Variants in DPP10 observed in about 807,000 individuals in gnomAD.
DPP10 encodes inactive dipeptidyl peptidase 10.
A neutral mutation model predicts 120.9 loss-of-function variants in DPP10; 33 were observed. The ratio of observed to expected loss-of-function variants is 0.27; its 90% CI spans 0.21 to 0.37. The LOEUF (loss-of-function observed/expected upper bound fraction) is 0.37, where lower values mean the gene tolerates loss of function less well. Among genes scored for constraint, DPP10 ranks in the 10% least tolerant of loss-of-function variants. The pLI is 1.00. For synonymous variants in DPP10, 337 were observed against 326.1 expected, an observed-to-expected ratio of 1.03 and a Z score of -0.36; for missense variants, 816 against 942.8, an observed-to-expected ratio of 0.87 and a Z score of 1.76.
At chr2:115,310,555 G>A (rs2061535662) in intron 2 of DPP10, among the ~76,000 whole-genome samples, 1 of 152,072 alleles carries the variant, frequency 6.6e-6, no homozygotes, top group Non-Finnish European at 1.5e-5. Context: ...GGAGGAAGGA[G>A]GAGAGAAAGG....
intron 5 of DPP10, among the ~76,000 whole-genome samples, chr2:115,552,336 G>T (rs1352687146): frequency 4.6e-5 from 7 of 152,074 alleles, no homozygotes; most frequent in African/African-American, 1.7e-4. Context: ...GTAGGCAAAG[G>T]ACAAAGTCTG....
intron 1 of DPP10, among the ~76,000 whole-genome samples, chr2:115,129,558 A>G (rs1183435065): frequency 6.6e-6 from 1 of 152,226 alleles, no homozygotes; most frequent in East Asian, 1.9e-4. Context: ...TATATGCTTA[A>G]TGAATATATC....
At chr2:114,561,995 C>G (rs555159046) in intron 1 of DPP10, among the ~76,000 whole-genome samples, 1 of 152,230 alleles carries the variant, frequency 6.6e-6, no homozygotes, top group African/African-American at 2.4e-5. Context: ...ACTAAGATAA[C>G]GGGTTAATTT....
At chr2:115,470,307 A>G (rs1360716017) in intron 3 of DPP10, among the ~76,000 whole-genome samples, 1 of 152,192 alleles carries the variant, frequency 6.6e-6, no homozygotes, top group African/African-American at 2.4e-5. Context: ...TTCTGTTACA[A>G]AAATTTTAGA....
intron 1 of DPP10, among the ~76,000 whole-genome samples, chr2:114,549,694 GAAAT>G (rs66601344): frequency 0.69 from 92,455 of 134,772 alleles, 32,796 homozygotes; most frequent in South Asian, 0.83. Flanking sequence ...AAGAGAGAGA[GAAAT>G]AAATAAAAAA....
At chr2:115,283,107 T>C (rs2060228150) in intron 1 of DPP10, among the ~76,000 whole-genome samples, 1 of 152,098 alleles carries the variant, frequency 6.6e-6, no homozygotes, top group East Asian at 1.9e-4. Context: ...TAGCTCACTC[T>C]TTTCTATTCA....
chr2:115,286,540 T>TATATATATATATATATATATATATATAA (rs1559367032), intron 1 of DPP10, among the ~76,000 whole-genome samples: 1 of 107,340 alleles, frequency 9.3e-6, no homozygotes, highest in Non-Finnish European at 1.9e-5. Flanking sequence ...TATATATATA[T>TATATATATATATATATATATATATATAA]AAAATATATA....
chr2:115,568,958 ATTC>A (rs1393218142), intron 5 of DPP10, among the ~76,000 whole-genome samples: 2 of 152,160 alleles, frequency 1.3e-5, no homozygotes, highest in Non-Finnish European at 2.9e-5. Flanking sequence ...TGGTGTCAAT[ATTC>A]TTATATGGAT....
intron 1 of DPP10, among the ~76,000 whole-genome samples, chr2:114,942,402 C>CATATATATATATATATATAT (rs61579596): frequency 2.3e-5 from 3 of 127,816 alleles, no homozygotes; most frequent in Admixed American, 8.2e-5. Context: ...CACACACACA[C>CATATATATATATATATATAT]ATATATATAT....
chr2:115,430,324 T>C (rs1292151324), intron 3 of DPP10, among the ~76,000 whole-genome samples: 4 of 152,192 alleles, frequency 2.6e-5, no homozygotes, highest in African/African-American at 9.6e-5. Context: ...CGTTGGACTT[T>C]CCTTAATTCT....
At chr2:114,584,832 C>T (rs536810098) in intron 1 of DPP10, among the ~76,000 whole-genome samples, 1 of 151,958 alleles carries the variant, frequency 6.6e-6, no homozygotes, top group South Asian at 2.1e-4. Context: ...ATCAGGAAAC[C>T]AGAAATAGTC....
intron 1 of DPP10, among the ~76,000 whole-genome samples, chr2:115,158,228 C>A (rs1201637228): frequency 6.6e-6 from 1 of 152,128 alleles, no homozygotes; most frequent in Non-Finnish European, 1.5e-5. Flanking sequence ...GCCACAGATA[C>A]CAAAACACTA....
At chr2:114,930,615 T>G (rs1368326222) in intron 1 of DPP10, among the ~76,000 whole-genome samples, 3 of 152,196 alleles carry the variant, frequency 2.0e-5, no homozygotes, top group Non-Finnish European at 4.4e-5. Flanking sequence ...TCACAACCAT[T>G]GTCTTAGTTC....
intron 1 of DPP10, among the ~76,000 whole-genome samples, chr2:115,180,704 C>T (rs2054013203): frequency 6.6e-6 from 1 of 152,154 alleles, no homozygotes; most frequent in Non-Finnish European, 1.5e-5. Context: ...GACATCCTCT[C>T]ACTAGAAATG....
intron 1 of DPP10, among the ~76,000 whole-genome samples, chr2:115,261,941 G>C (rs1006849281): frequency 1.3e-5 from 2 of 152,146 alleles, no homozygotes. Context: ...TGGGTTTTCA[G>C]CTGCAGACAG....
At chr2:115,329,046 C>G (rs1352533032) in intron 2 of DPP10, among the ~76,000 whole-genome samples, 1 of 151,998 alleles carries the variant, frequency 6.6e-6, no homozygotes, top group East Asian at 1.9e-4. Context: ...AGGTGGTAAA[C>G]TTCTTGCAGA....
chr2:114,726,247 A>G (rs1702041651), intron 1 of DPP10, among the ~76,000 whole-genome samples: 1 of 152,022 alleles, frequency 6.6e-6, no homozygotes, highest in Non-Finnish European at 1.5e-5. Context: ...AAAAAAAAAA[A>G]AAAAAAGTTC....
intron 1 of DPP10, among the ~76,000 whole-genome samples, chr2:115,212,990 A>G (rs1303771188): frequency 3.9e-5 from 6 of 152,190 alleles, no homozygotes; most frequent in African/African-American, 1.4e-4. Context: ...GATCCACTCC[A>G]TGATTGGCCC....
chr2:115,312,906 C>T lies in DPP10; in HGVS notation c.175+3553C>T, dbSNP rs560137480. On this transcript the variant is annotated intron_variant, in intron 2 of 25. Coordinates refer to ENST00000410059, the MANE Select transcript of DPP10 (RefSeq NM_020868.6). ...ACTGGGCCTTTTAGGACAAGGCCTGCCTCTAGAACAACTCTTCCAATAAGA... is the reference window on the plus strand; with the variant it reads ...ACTGGGCCTTTTAGGACAAGGCCTGTCTCTAGAACAACTCTTCCAATAAGA... Among the ~76,000 whole-genome samples the T allele has an allele frequency of 3.7e-4, 56 of 152,224 alleles. No individual in the cohort carries two copies. The South Asian group carries it at 0.012, about 32-fold the overall frequency.
Sources: gnomAD v4.1 joint callset for allele counts (sites outside exome capture counted in the v4.1 genomes callset) on GRCh38, gnomAD v4.1.1 for gene constraint, MANE v1.5 for transcripts, NCBI Gene and HGNC (gene_info 2026-07-23, HGNC 2026-07-21) for gene names.